Variants in RAB18 observed in about 807,000 individuals in gnomAD.
RAB18 encodes the protein RAB18, member RAS oncogene family.
A neutral mutation model predicts 28.5 loss-of-function variants in RAB18; 10 were observed. The observed-to-expected ratio is 0.35, with a 90% CI of 0.22 to 0.60. RAB18 has a LOEUF of 0.60. Among genes scored for constraint, RAB18 ranks in the 20% least tolerant of loss-of-function variants. The probability of loss-of-function intolerance (pLI) is 0.78; values close to 1 mark genes in which losing one functional copy is unlikely to be tolerated. For synonymous variants in RAB18, 93 were observed against 86.9 expected, an observed-to-expected ratio of 1.07 and a Z score of -0.39; for missense variants, 188 against 244.2, an observed-to-expected ratio of 0.77 and a Z score of 1.53.
intron 2 of RAB18, among the ~76,000 whole-genome samples, chr10:27,521,370 C>A (rs1227690577): frequency 1.3e-5 from 2 of 152,152 alleles, no homozygotes; most frequent in African/African-American, 4.8e-5. Flanking sequence ...AAATCTCCGA[C>A]TGTTTATCCT....
chr10:27,533,936 T>C lies in RAB18; in HGVS notation c.387T>C (p.Arg129=). 1 of 1,610,566 alleles carries C rather than the reference T, an allele frequency of 6.2e-7. No individual in the cohort carries two copies. The highest frequency in any genetic ancestry group is 8.5e-7 in the Non-Finnish European group (1 of 1,176,862). Residue 129 remains arginine (R), a synonymous_variant, in exon 6 of 7, where the codon CGT becomes CGC. Coordinates refer to ENST00000356940, the MANE Select transcript of RAB18 (RefSeq NM_021252.5). ...LVGNKIDKEN[R]EVDRNEGLKF... ...TTGCATTTATATTTTAGGAAAATCG[T>C]GAAGTCGATAGAAATGAAGGCCTGA...
intron 6 of RAB18, 55 bp from the exon 7 acceptor site, chr10:27,537,821 G>T: frequency 6.8e-7 from 1 of 1,478,734 alleles, no homozygotes; most frequent in South Asian, 1.2e-5. Context: ...AGAAAAACAT[G>T]AGAATATGGC....
chr10:27,541,685 T>G lies in RAB18; in HGVS notation c.*3634T>G, dbSNP rs1163124819. ...ACCGGAGAAGCAACAAATTACGTAG[T>G]TTTTTTTGTGTTTCTTTGATTACTA... On this transcript the variant is annotated 3_prime_UTR_variant, in exon 7 of 7. Coordinates refer to ENST00000356940, the MANE Select transcript of RAB18 (RefSeq NM_021252.5). The G allele has an allele frequency of 2.2e-6, 1 of 447,682 alleles. No homozygotes were observed. Among genetic ancestry groups the G allele is most frequent in the Admixed American group, 2.4e-5 (1 of 41,332 alleles). 27.7% of individuals were successfully genotyped at this position (447,682 alleles called of 1,614,324 possible).
Position 27,515,279 on chromosome 10 carries a change from TTAAA to T in RAB18, c.124+5352_124+5355del, listed in dbSNP as rs375032357. Reference sequence around the variant, plus strand: ...GTTATACTAATTTTATATAATCTGATTAAATAGGCACAATTCGCTTTAAGTTTTT... The same window carrying T: ...GTTATACTAATTTTATATAATCTGATTAGGCACAATTCGCTTTAAGTTTTT... On this transcript the variant is annotated intron_variant, in intron 2 of 6. Coordinates refer to ENST00000356940, the MANE Select transcript of RAB18 (RefSeq NM_021252.5). 3.0e-3 allele frequency among the ~76,000 whole-genome samples: 453 copies of T among 152,270 alleles called. 2 individuals carry two copies. The highest frequency in any genetic ancestry group is 0.011 in the African/African-American group (439 of 41,552).
intron 1 of RAB18, among the ~76,000 whole-genome samples, chr10:27,508,891 C>A (rs1437292307): frequency 2.6e-5 from 4 of 152,076 alleles, no homozygotes; most frequent in Non-Finnish European, 5.9e-5. Flanking sequence ...TGATTTTATT[C>A]ATGCAAACAG....
chr10:27,517,950 G>A (rs1293941769), intron 2 of RAB18, among the ~76,000 whole-genome samples: 1 of 151,446 alleles, frequency 6.6e-6, no homozygotes, highest in Admixed American at 6.6e-5. Flanking sequence ...CATATGGTAT[G>A]TTACCTTTTT....
At chr10:27,529,391 C>A (rs1834743324) in intron 3 of RAB18, among the ~76,000 whole-genome samples, 1 of 151,846 alleles carries the variant, frequency 6.6e-6, no homozygotes, top group East Asian at 1.9e-4. Flanking sequence ...TTGCCTAATT[C>A]TTCTATAGTT....
At chr10:27,510,543 T>C (rs1305121405) in intron 2 of RAB18, 3 of 156,984 alleles carry the variant, frequency 1.9e-5, no homozygotes, top group African/African-American at 7.2e-5. Context: ...TTTGGTATCA[T>C]GTGTTTAGAC....
chr10:27,533,669 A>C, intron 4 of RAB18, 66 bp from the exon 5 acceptor site: 1 of 1,580,640 alleles, frequency 6.3e-7, no homozygotes, highest in Non-Finnish European at 8.6e-7. Context: ...TCCTAGCTAC[A>C]TATCAGAAAT....
chr10:27,521,041 G>A (rs1288255323), intron 2 of RAB18, among the ~76,000 whole-genome samples: 1 of 134,636 alleles, frequency 7.4e-6, no homozygotes, highest in African/African-American at 2.8e-5. Context: ...TTTTTTTTCT[G>A]TGATTTTATT....
At chr10:27,528,813 TCA>T (rs1018835794) in intron 3 of RAB18, among the ~76,000 whole-genome samples, 2 of 152,072 alleles carry the variant, frequency 1.3e-5, no homozygotes, top group African/African-American at 4.8e-5. Flanking sequence ...GCCTTTTTTT[TCA>T]GTTTATACTC....
chr10:27,506,261 G>C (rs1429221608), intron 1 of RAB18, among the ~76,000 whole-genome samples: 2 of 152,142 alleles, frequency 1.3e-5, no homozygotes, highest in African/African-American at 2.4e-5. Context: ...TGGATGACAA[G>C]TTAGGGTATG....
chr10:27,540,479 C>T lies in RAB18; in HGVS notation c.*2428C>T. 4.4e-6 allele frequency: 2 copies of T among 454,040 alleles called. No homozygotes were observed. Among genetic ancestry groups the T allele is most frequent in the South Asian group, 3.1e-5 (2 of 64,470 alleles). The allele number at this position is 454,040 out of a possible 1,614,324, so 28.1% of individuals were successfully genotyped here. On this transcript the variant is annotated 3_prime_UTR_variant, in exon 7 of 7. Transcript: ENST00000356940. ...AGGCAGTTCCACTATTTCTTTATCA[C>T]TCTTTTGTTATATGTAATAGAAGTA...
rs1835052727 is a variant in RAB18 at position 27,542,154 on chromosome 10, T to A, written c.*4103T>A. 2.2e-6 allele frequency: 1 copy of A among 453,972 alleles called. No homozygotes were observed. The allele number at this position is 453,972 out of a possible 1,614,324, so 28.1% of individuals were successfully genotyped here. ...GGAGTCTATTGGAGCCCTTGGGAACTTCTGGATCAAATTGGACCTGAATTG... is the reference window on the plus strand; with the variant it reads ...GGAGTCTATTGGAGCCCTTGGGAACATCTGGATCAAATTGGACCTGAATTG... On this transcript the variant is annotated 3_prime_UTR_variant, in exon 7 of 7. Transcript: ENST00000356940.
At chr10:27,535,852 C>T (rs1036724522) in intron 6 of RAB18, among the ~76,000 whole-genome samples, 5 of 151,996 alleles carry the variant, frequency 3.3e-5, no homozygotes, top group African/African-American at 7.2e-5. Flanking sequence ...TTTGGGAGGC[C>T]GAGGCAGGCG....
intron 3 of RAB18, among the ~76,000 whole-genome samples, chr10:27,529,176 A>ATT (rs879364475): frequency 1.3e-5 from 2 of 150,990 alleles, no homozygotes; most frequent in Non-Finnish European, 3.0e-5. Context: ...TATGCTACAG[A>ATT]TTTTTTTTTC....
rs1352864125 is a variant in RAB18, at chr10:27,541,922, G to A, written c.*3871G>A. The A allele has an allele frequency of 2.2e-6, 1 of 452,952 alleles. No homozygotes were observed. The highest frequency in any genetic ancestry group is 4.4e-6 in the Non-Finnish European group (1 of 226,626). The allele number at this position is 452,952 out of a possible 1,614,324, so 28.1% of individuals were successfully genotyped here. A position where few individuals can be genotyped will look rare whatever the true frequency, so the allele number is the denominator to read the frequency against. ...ATTAACCCAGTTACCTTTTAGCAGT[G>A]CCCCACTTCCCCAGTAGCAATGGTT... On this transcript the variant is annotated 3_prime_UTR_variant, in exon 7 of 7. Transcript: ENST00000356940.
intron 2 of RAB18, among the ~76,000 whole-genome samples, chr10:27,519,325 A>G (rs1272769913): frequency 6.6e-6 from 1 of 152,132 alleles, no homozygotes; most frequent in African/African-American, 2.4e-5. Flanking sequence ...ACATACAACT[A>G]ACATCATACT....
chr10:27,513,051 A>C (rs1279106217), intron 2 of RAB18, among the ~76,000 whole-genome samples: 1 of 136,760 alleles, frequency 7.3e-6, no homozygotes, highest in Non-Finnish European at 1.5e-5. Context: ...TTTTTTTTGG[A>C]GACAAGAGTC....
Sources: gnomAD v4.1 joint callset for allele counts (sites outside exome capture counted in the v4.1 genomes callset) on GRCh38, gnomAD v4.1.1 for gene constraint, MANE v1.5 for transcripts, NCBI Gene and HGNC (gene_info 2026-07-23, HGNC 2026-07-21) for gene names.